The following OSBPL10 variants were observed in gnomAD, a reference collection of about 807,000 sequenced individuals.
OSBPL10 encodes oxysterol binding protein like 10.
In OSBPL10, 49 loss-of-function variants were observed where a neutral mutation model predicts 81.7. That is an observed-to-expected ratio of 0.60 (90% CI 0.48 to 0.76). OSBPL10 has a LOEUF of 0.76. OSBPL10 is among the 30% of genes least tolerant of loss of function. OSBPL10 has a pLI of 0.00. For synonymous variants in OSBPL10, 419 were observed against 383.6 expected, an observed-to-expected ratio of 1.09 and a Z score of -1.08; for missense variants, 923 against 987.8, an observed-to-expected ratio of 0.93 and a Z score of 0.88.
chr3:32,005,631 A>G (rs1342033731), intron 2 of OSBPL10, among the ~76,000 whole-genome samples: 1 of 152,112 alleles, frequency 6.6e-6, no homozygotes, highest in Non-Finnish European at 1.5e-5. Context: ...CTCTGTTGCC[A>G]GGCTGGAGTG....
intron 3 of OSBPL10, among the ~76,000 whole-genome samples, chr3:31,859,592 T>C (rs1334423826): frequency 2.0e-5 from 3 of 152,348 alleles, no homozygotes; most frequent in East Asian, 3.9e-4. Flanking sequence ...GAAATGGTTT[T>C]CTTTTGCCCT....
intron 6 of OSBPL10, among the ~76,000 whole-genome samples, chr3:31,716,711 C>G (rs1696451475): frequency 6.6e-6 from 1 of 152,162 alleles, no homozygotes; most frequent in African/African-American, 2.4e-5. Context: ...CAACTTTTCT[C>G]ATAAACTTGT....
intron 1 of OSBPL10, among the ~76,000 whole-genome samples, chr3:31,910,713 A>C (rs1696551429): frequency 1.3e-5 from 2 of 152,162 alleles, no homozygotes; most frequent in Non-Finnish European, 2.9e-5. Context: ...ACTTCTTGGC[A>C]AATGGAATGT....
chr3:31,838,090 G>C (rs193163916), intron 3 of OSBPL10, among the ~76,000 whole-genome samples: 7 of 152,226 alleles, frequency 4.6e-5, no homozygotes, highest in Admixed American at 4.6e-4. Flanking sequence ...GTGAGCAAAA[G>C]GGAAGAACTC....
chr3:31,814,620 A>G (rs1328389545), intron 4 of OSBPL10, among the ~76,000 whole-genome samples: 4 of 152,192 alleles, frequency 2.6e-5, no homozygotes, highest in African/African-American at 9.7e-5. Context: ...AGAGGCTAGG[A>G]CAGGCATGGA....
intron 1 of OSBPL10, among the ~76,000 whole-genome samples, chr3:31,883,243 CT>C (rs34333418): frequency 0.65 from 94,488 of 144,498 alleles, 30,904 homozygotes; most frequent in East Asian, 0.85. Flanking sequence ...GCATGCCACT[CT>C]TTTTTTTTTT....
At chr3:31,813,452 GTTTGT>G (rs1304422877) in intron 4 of OSBPL10, among the ~76,000 whole-genome samples, 5 of 152,096 alleles carry the variant, frequency 3.3e-5, no homozygotes, top group Non-Finnish European at 2.9e-5. Context: ...TTTTTTGTTT[GTTTGT>G]TTTGTCTATA....
At chr3:32,058,426 C>A (rs1307902380) in intron 1 of OSBPL10, among the ~76,000 whole-genome samples, 4 of 152,234 alleles carry the variant, frequency 2.6e-5, no homozygotes, top group African/African-American at 9.6e-5. Context: ...CTCTTGGGTT[C>A]AAGCAATTCT....
intron 1 of OSBPL10, among the ~76,000 whole-genome samples, chr3:31,958,128 T>C (rs1376261433): frequency 6.6e-6 from 1 of 152,218 alleles, no homozygotes; most frequent in Admixed American, 6.5e-5. Context: ...GCCACCAGAA[T>C]ACCCTTGTGA....
At chr3:32,068,115 T>G (rs1260712133) in intron 1 of OSBPL10, among the ~76,000 whole-genome samples, 1 of 152,196 alleles carries the variant, frequency 6.6e-6, no homozygotes, top group Admixed American at 6.5e-5. Context: ...TCTCACTCCC[T>G]TCAATCTCTC....
intron 2 of OSBPL10, among the ~76,000 whole-genome samples, chr3:31,993,455 G>T (rs1420158211): frequency 6.6e-6 from 1 of 151,900 alleles, no homozygotes; most frequent in African/African-American, 2.4e-5. Flanking sequence ...TGATCCACCC[G>T]CCTCGGCCTC....
At chr3:32,004,600 T>A (rs1699185134) in intron 2 of OSBPL10, among the ~76,000 whole-genome samples, 1 of 152,230 alleles carries the variant, frequency 6.6e-6, no homozygotes, top group Non-Finnish European at 1.5e-5. Context: ...TGCATTTTTC[T>A]AAGCTTTGGA....
At chr3:31,967,762 T>C (rs1171869276) in intron 1 of OSBPL10, among the ~76,000 whole-genome samples, 1 of 152,222 alleles carries the variant, frequency 6.6e-6, no homozygotes, top group Admixed American at 6.5e-5. Context: ...TCAGGCAATT[T>C]CATTGTAGTT....
chr3:31,683,559 A>T, intron 8 of OSBPL10, 75 bp downstream of exon 8: 1 of 1,527,522 alleles, frequency 6.5e-7, no homozygotes, highest in Non-Finnish European at 8.8e-7. Flanking sequence ...CTCCACACAC[A>T]AAATTATCAA....
At chr3:31,813,168 G>T (rs780044039) in intron 4 of OSBPL10, among the ~76,000 whole-genome samples, 1 of 152,208 alleles carries the variant, frequency 6.6e-6, no homozygotes, top group African/African-American at 2.4e-5. Context: ...GTAGCTGGAG[G>T]AAAGAAAAAC....
At chr3:31,953,495 C>T (rs1276424961) in intron 1 of OSBPL10, among the ~76,000 whole-genome samples, 1 of 152,046 alleles carries the variant, frequency 6.6e-6, no homozygotes, top group Non-Finnish European at 1.5e-5. Context: ...GCAGCCTCAG[C>T]CTCCTGGGCT....
intron 1 of OSBPL10, among the ~76,000 whole-genome samples, chr3:31,952,706 C>A (rs140485062): frequency 1.3e-5 from 2 of 152,134 alleles, no homozygotes; most frequent in African/African-American, 2.4e-5. Context: ...GTTAGAATGT[C>A]CCCCCAACAT....
At chr3:32,046,217 A>C (rs566207737) in intron 2 of OSBPL10, among the ~76,000 whole-genome samples, 1 of 152,366 alleles carries the variant, frequency 6.6e-6, no homozygotes, top group Admixed American at 6.5e-5. Context: ...CCTGTGTGAC[A>C]CAGTGAGATC....
rs1257744541 is a variant in OSBPL10, at chr3:32,062,094, G to T, written n.185+15302C>A. On this transcript the variant is annotated intron_variant and non_coding_transcript_variant, in intron 1 of 3. Transcript: ENST00000479173. ...CTATGGTATGGTTTATTGGTTTTTTGTTGTTGTTGTTTTTTGTTTTGTTTT... is the reference window on the plus strand; with the variant it reads ...CTATGGTATGGTTTATTGGTTTTTTTTTGTTGTTGTTTTTTGTTTTGTTTT... 2.0e-4 allele frequency among the ~76,000 whole-genome samples: 12 copies of T among 58,908 alleles called. 2 individuals are homozygous for T. The highest frequency in any genetic ancestry group is 5.3e-4 in the East Asian group (1 of 1,874). The allele number at this position is 58,908 out of a possible 152,430, so 38.6% of individuals were successfully genotyped here.
Sources: allele counts gnomAD v4.1 joint callset (sites outside exome capture counted in the v4.1 genomes callset), GRCh38; gene constraint gnomAD v4.1.1; transcripts MANE v1.5; gene names NCBI Gene and HGNC (gene_info 2026-07-23, HGNC 2026-07-21).